Variants in PRKN observed in about 807,000 individuals in gnomAD.
PRKN encodes parkin RBR E3 ubiquitin protein ligase.
PRKN carries 56 observed loss-of-function variants against 59.5 expected under a neutral mutation model. That is an observed-to-expected ratio of 0.94 (90% confidence interval 0.76 to 1.18). The LOEUF is 1.18. PRKN is among the 50% of genes most tolerant of loss of function. The probability of loss-of-function intolerance (pLI) is 0.00; values close to 1 mark genes in which losing one functional copy is unlikely to be tolerated. For synonymous variants in PRKN, 250 were observed against 222.1 expected (o/e 1.13, Z -1.12); for missense variants, 657 against 596.4 (o/e 1.10, Z -1.06).
Position 161,845,613 on chromosome 6 carries a change from GA to G in PRKN, c.735-59706del, listed in dbSNP as rs538875372. Among the ~76,000 whole-genome samples the G allele has an allele frequency of 3.1e-3, 476 of 152,254 alleles. 3 individuals carry two copies. Among genetic ancestry groups the G allele is most frequent in the African/African-American group, 0.011 (447 of 41,546 alleles). ...CGGTTAAATTCATGAATAATGATGA[GA>G]AAATGAAGACCCTAGGATTAAAGTG... On this transcript the variant is annotated intron_variant, in intron 6 of 11. Coordinates refer to ENST00000366898, the MANE Select transcript of PRKN (RefSeq NM_004562.3).
At position 162,338,940 on chromosome 6, in the gene PRKN, C is replaced by G. The variant is rs1174702635; in HGVS notation, c.172-76175G>C. ...GATGTGAGGAGCGCCTCTGCCCGGC[C>G]GCGACCCCGTCTGGGAGGTGAGGAG... On this transcript the variant is annotated intron_variant, in intron 2 of 11. Coordinates refer to ENST00000366898, the MANE Select transcript of PRKN (RefSeq NM_004562.3). 1.6e-3 allele frequency among the ~76,000 whole-genome samples: 235 copies of G among 149,704 alleles called. 2 individuals are homozygous for G. In the East Asian group the frequency reaches 0.022, roughly 14 times the overall value.
rs539454560 is a variant in PRKN, at chr6:162,166,994, CAG to C, written c.534+34135_534+34136del. Among the ~76,000 whole-genome samples the C allele has an allele frequency of 1.9e-3, 290 of 152,246 alleles. 1 individual carries two copies. Among genetic ancestry groups the C allele is most frequent in the Non-Finnish European group, 2.1e-3 (142 of 68,018 alleles). ...CCAAATGAACCACCTGCACCTAAAA[CAG>C]AGTCTTTGGTTCTGCTTTTACAGGA... is the stretch of plus-strand genomic sequence containing the variant. On this transcript the variant is annotated intron_variant, in intron 4 of 11. Transcript: ENST00000366898.
chr6:161,883,685 T>C (rs565351995), intron 6 of PRKN, among the ~76,000 whole-genome samples: 1 of 152,314 alleles, frequency 6.6e-6, no homozygotes, highest in East Asian at 1.9e-4. Flanking sequence ...AGTCTCACTC[T>C]GTCGCCCAGG....
intron 1 of PRKN, among the ~76,000 whole-genome samples, chr6:162,547,343 TAA>T (rs538297033): frequency 1.5e-3 from 231 of 152,308 alleles, no homozygotes; most frequent in African/African-American, 5.4e-3. Flanking sequence ...CAAGATTTAC[TAA>T]GTCTTGTTTC....
intron 7 of PRKN, among the ~76,000 whole-genome samples, chr6:161,777,241 G>A (rs886099134): frequency 5.9e-5 from 9 of 152,128 alleles, no homozygotes; most frequent in Non-Finnish European, 1.0e-4. Context: ...ATCATTACTC[G>A]TTTTTGAATT....
chr6:162,499,309 T>C (rs1793252885), intron 1 of PRKN, among the ~76,000 whole-genome samples: 1 of 152,178 alleles, frequency 6.6e-6, no homozygotes, highest in Non-Finnish European at 1.5e-5. Flanking sequence ...CTGGTAAATC[T>C]TTCATATTAT....
intron 6 of PRKN, among the ~76,000 whole-genome samples, chr6:161,961,243 T>C (rs555435594): frequency 1.3e-5 from 2 of 152,278 alleles, no homozygotes; most frequent in South Asian, 4.1e-4. Context: ...AGACCTGCAA[T>C]GATAGCAACA....
intron 1 of PRKN, chr6:162,568,757 G>A (rs549914068): frequency 6.7e-5 from 50 of 745,634 alleles, no homozygotes; most frequent in South Asian, 6.3e-4. Context: ...ACCCTAGGGG[G>A]CAGCCGGACA....
chr6:161,803,561 G>A (rs1011044744), intron 6 of PRKN, among the ~76,000 whole-genome samples: 2 of 152,162 alleles, frequency 1.3e-5, no homozygotes, highest in Non-Finnish European at 2.9e-5. Context: ...TTCACTGCCC[G>A]AAGCAGGGCC....
intron 3 of PRKN, among the ~76,000 whole-genome samples, chr6:162,211,718 T>G (rs908246763): frequency 6.6e-6 from 1 of 152,146 alleles, no homozygotes; most frequent in Non-Finnish European, 1.5e-5. Context: ...CTATCTTCAC[T>G]GCTAACATAA....
Position 161,350,051 on chromosome 6 carries a change from TG to T in PRKN, c.*47del. Reference sequence around the variant, plus strand: ...AGAATTAGAAAATGAAGGTAGACACTGGGTATGCTCCCCCAGGATGTGGCGA... The same window carrying T: ...AGAATTAGAAAATGAAGGTAGACACTGGTATGCTCCCCCAGGATGTGGCGA... On this transcript the variant is annotated 3_prime_UTR_variant, in exon 12 of 12. Coordinates refer to ENST00000366898, the MANE Select transcript of PRKN (RefSeq NM_004562.3). 1 of 1,149,534 alleles carries T rather than the reference TG, an allele frequency of 8.7e-7. No individual in the cohort carries two copies. Among genetic ancestry groups the T allele is most frequent in the Non-Finnish European group, 1.3e-6 (1 of 761,378 alleles). The allele number at this position is 1,149,534 out of a possible 1,614,324, so 71.2% of individuals were successfully genotyped here.
In PRKN at chr6:161,593,800, T is replaced by C. The variant is rs1781813514; in HGVS notation, c.872-24384A>G. Among the ~76,000 whole-genome samples, 1 of 151,168 alleles carries C rather than the reference T, an allele frequency of 6.6e-6. No homozygotes were observed. Among genetic ancestry groups the C allele is most frequent in the Non-Finnish European group, 1.5e-5 (1 of 67,808 alleles). ...GAGAAGAAGGTGAGTGTTTGGAGAGTAGAGAGTGACACACCAAGTCATGAT... is the reference window on the plus strand; with the variant it reads ...GAGAAGAAGGTGAGTGTTTGGAGAGCAGAGAGTGACACACCAAGTCATGAT... On this transcript the variant is annotated intron_variant, in intron 7 of 11. Transcript: ENST00000366898. This position sits in a 1 kb window ranked among gnomAD's most constrained non-coding sequence, Gnocchi z 4.8.
chr6:162,086,695 C>T (rs1420305865), intron 4 of PRKN, among the ~76,000 whole-genome samples: 1 of 152,192 alleles, frequency 6.6e-6, no homozygotes, highest in Non-Finnish European at 1.5e-5. Flanking sequence ...GACACCTTCA[C>T]AGACACATCT....
intron 1 of PRKN, among the ~76,000 whole-genome samples, chr6:162,645,868 CTTTTTTTTTT>C (rs751656108): frequency 1.7e-5 from 2 of 121,138 alleles, no homozygotes; most frequent in Non-Finnish European, 3.5e-5. Flanking sequence ...TAAACTTTCT[CTTTTTTTTTT>C]TTTTTTTTTT....
Position 161,552,434 on chromosome 6 carries a change from T to C in PRKN, c.934-3431A>G, listed in dbSNP as rs9456683. On this transcript the variant is annotated intron_variant, in intron 8 of 11. Coordinates refer to ENST00000366898, the MANE Select transcript of PRKN (RefSeq NM_004562.3). The surrounding 1 kb of genome is among the most constrained non-coding windows in gnomAD (Gnocchi z 4.9). Reference sequence around the variant, plus strand: ...TGATCTCACGGTGATCCTCCAAGCCTCTCTCCCTCAGCTCTGTTCACCTCC... The same window carrying C: ...TGATCTCACGGTGATCCTCCAAGCCCCTCTCCCTCAGCTCTGTTCACCTCC... Among the ~76,000 whole-genome samples, 1,795 of 97,404 alleles carry C rather than the reference T, an allele frequency of 0.018. 152 individuals are homozygous for C. Among genetic ancestry groups the C allele is most frequent in the African/African-American group, 0.04 (777 of 19,622 alleles). 63.9% of individuals were successfully genotyped at this position (97,404 alleles called of 152,430 possible).
chr6:161,855,996 T>G (rs1793635272), intron 6 of PRKN, among the ~76,000 whole-genome samples: 1 of 152,224 alleles, frequency 6.6e-6, no homozygotes, highest in South Asian at 2.1e-4. Flanking sequence ...TTCATGCTAC[T>G]TAGATGCTAG....
intron 1 of PRKN, among the ~76,000 whole-genome samples, chr6:162,522,797 C>T (rs1277837018): frequency 2.7e-5 from 2 of 74,940 alleles, no homozygotes; most frequent in Admixed American, 2.7e-4. Flanking sequence ...ATGAACTGAT[C>T]AGAAAAAAAA....
intron 2 of PRKN, among the ~76,000 whole-genome samples, chr6:162,402,123 C>T (rs1388557183): frequency 6.6e-6 from 1 of 151,956 alleles, no homozygotes; most frequent in African/African-American, 2.4e-5. Flanking sequence ...GTGGCACACA[C>T]CTGTAATTCC....
At chr6:162,690,359 T>A (rs1777730367) in intron 1 of PRKN, among the ~76,000 whole-genome samples, 1 of 152,198 alleles carries the variant, frequency 6.6e-6, no homozygotes, top group South Asian at 2.1e-4. Context: ...AGGCTGCTGT[T>A]CAAACTCAAG....
Sources: allele counts gnomAD v4.1 joint callset (sites outside exome capture counted in the v4.1 genomes callset), GRCh38; gene constraint gnomAD v4.1.1; non-coding constraint Gnocchi (gnomAD v3.1); transcripts MANE v1.5; gene names NCBI Gene and HGNC (gene_info 2026-07-23, HGNC 2026-07-21).